Variants in NOL4 observed in about 807,000 individuals in gnomAD.
The protein encoded by NOL4 is nucleolar protein 4.
NOL4 carries 17 observed loss-of-function variants against 75.9 expected under a neutral mutation model. That is an observed-to-expected ratio of 0.22 (90% CI 0.15 to 0.34). The LOEUF is 0.34. Among genes scored for constraint, NOL4 ranks in the 10% least tolerant of loss-of-function variants. The pLI, the probability that NOL4 is intolerant of heterozygous loss-of-function variation, is 1.00. For missense variants in NOL4, 614 were observed against 793.5 expected (o/e 0.77, Z 2.72); for synonymous variants, 292 against 289.9 (o/e 1.01, Z -0.07).
At chr18:34,101,726 T>G (rs143992539) in intron 4 of NOL4, among the ~76,000 whole-genome samples, 2 of 152,174 alleles carry the variant, frequency 1.3e-5, no homozygotes, top group African/African-American at 4.8e-5. Context: ...CCACACTGAT[T>G]TCTGTAATAA....
intron 6 of NOL4, among the ~76,000 whole-genome samples, chr18:33,974,054 C>A (rs531950543): frequency 6.6e-6 from 1 of 152,286 alleles, no homozygotes; most frequent in East Asian, 1.9e-4. Flanking sequence ...AAAAGGCTAT[C>A]TTGTCTACAT....
intron 1 of NOL4, among the ~76,000 whole-genome samples, chr18:34,218,496 A>G (rs534669902): frequency 6.6e-6 from 1 of 152,342 alleles, no homozygotes; most frequent in East Asian, 1.9e-4. Context: ...CTGCCCCTTA[A>G]TACTCAAGCC....
intron 1 of NOL4, among the ~76,000 whole-genome samples, chr18:34,172,002 G>A (rs1184656096): frequency 4.6e-5 from 7 of 152,122 alleles, no homozygotes; most frequent in Non-Finnish European, 8.8e-5. Flanking sequence ...ACAAAAGAAT[G>A]AGAGCTTTTG....
chr18:34,145,393 T>C lies in NOL4; in HGVS notation c.265-15373A>G, dbSNP rs187915707. Among the ~76,000 whole-genome samples the C allele has an allele frequency of 2.0e-5, 3 of 151,638 alleles. No individual in the cohort carries two copies. In the East Asian group the frequency reaches 5.8e-4, roughly 29 times the overall value. ...GCAATTTTAGTAAAACATTTACAAA[T>C]AAAAGCAGTATGATTTAAACTTCCT... On this transcript the variant is annotated intron_variant, in intron 1 of 10. Coordinates refer to ENST00000261592, the MANE Select transcript of NOL4 (RefSeq NM_003787.5).
At chr18:34,217,595 T>C (rs576346505) in intron 1 of NOL4, among the ~76,000 whole-genome samples, 8 of 152,250 alleles carry the variant, frequency 5.3e-5, no homozygotes, top group Non-Finnish European at 7.4e-5. Context: ...CCTTGTATTT[T>C]AGCTCCGTGT....
chr18:34,144,420 A>G (rs12964645), intron 1 of NOL4, among the ~76,000 whole-genome samples: 36,459 of 151,942 alleles, frequency 0.24, 5,148 homozygotes, highest in East Asian at 0.44. Flanking sequence ...GCTTCAAAGA[A>G]CAAGAACTCA....
chr18:34,043,865 C>A (rs1003843988), intron 5 of NOL4, among the ~76,000 whole-genome samples: 2 of 152,038 alleles, frequency 1.3e-5, no homozygotes, highest in Non-Finnish European at 2.9e-5. Context: ...AAGGCCCAAC[C>A]TTTTGACTTT....
chr18:34,216,387 C>T (rs1250146476), intron 1 of NOL4, among the ~76,000 whole-genome samples: 1 of 151,974 alleles, frequency 6.6e-6, no homozygotes, highest in Non-Finnish European at 1.5e-5. Context: ...AAGACAAATA[C>T]TCTCAATTGT....
chr18:34,199,052 G>A (rs965474738), intron 1 of NOL4, among the ~76,000 whole-genome samples: 4 of 151,544 alleles, frequency 2.6e-5, no homozygotes, highest in Non-Finnish European at 4.4e-5. Context: ...ATTGCATATT[G>A]GAACAACAAA....
intron 5 of NOL4, among the ~76,000 whole-genome samples, chr18:34,059,503 A>G (rs1480533492): frequency 6.6e-6 from 1 of 151,994 alleles, no homozygotes. Context: ...ACCTGAATGC[A>G]CCCAGATTGA....
intron 6 of NOL4, among the ~76,000 whole-genome samples, chr18:33,976,227 G>A (rs1315332461): frequency 6.6e-6 from 1 of 152,106 alleles, no homozygotes; most frequent in Non-Finnish European, 1.5e-5. Flanking sequence ...CAGCACACAA[G>A]CCTGGTGTGC....
At chr18:34,177,382 G>C (rs2033645631) in intron 1 of NOL4, among the ~76,000 whole-genome samples, 5 of 151,830 alleles carry the variant, frequency 3.3e-5, no homozygotes, top group Admixed American at 3.3e-4. Flanking sequence ...GCATTCATAT[G>C]TCAAAATGTA....
Position 33,852,979 on chromosome 18 carries a change from T to C in NOL4, c.1780A>G (p.Ser594Gly). 6.2e-7 allele frequency: 1 copy of C among 1,613,168 alleles called. No homozygotes were observed. The highest frequency in any genetic ancestry group is 8.5e-7 in the Non-Finnish European group (1 of 1,179,436). The change falls in exon 11 of 11, where the codon AGC (serine) becomes GGC (glycine). Residue 594 changes from serine to glycine, a missense_variant. This residue lies in a region of NOL4 where 128 missense variants were observed against 159.9 expected (regional missense o/e 0.80). Coordinates refer to ENST00000261592, the MANE Select transcript of NOL4 (RefSeq NM_003787.5). Reference protein sequence around the residue: ...QLATSSGSSSSSNSRPQLSPT... With the variant: ...QLATSSGSSSGSNSRPQLSPT... The stretch of plus-strand genomic sequence containing the variant: ...CTCAGCTGGGGTCTGGAGTTTGAGC[T>C]GCTGGAGGATCCTGAGCTAGTCGCC...
intron 1 of NOL4, among the ~76,000 whole-genome samples, chr18:34,206,619 C>T (rs2036138722): frequency 6.6e-6 from 1 of 152,078 alleles, no homozygotes; most frequent in Non-Finnish European, 1.5e-5. Context: ...TACTGTTTGC[C>T]TACAAATAAC....
At chr18:34,123,195 A>T (rs1461085124) in intron 2 of NOL4, among the ~76,000 whole-genome samples, 1 of 151,018 alleles carries the variant, frequency 6.6e-6, no homozygotes, top group Admixed American at 6.6e-5. Context: ...TACTCTGGCC[A>T]CTGCGGTGAG....
intron 6 of NOL4, among the ~76,000 whole-genome samples, chr18:33,988,944 T>C (rs1485139791): frequency 6.6e-6 from 1 of 151,932 alleles, no homozygotes; most frequent in East Asian, 1.9e-4. Flanking sequence ...ATGCCTATAA[T>C]CACAGCATTT....
chr18:34,222,842 G>C (rs1298574391), intron 1 of NOL4, 148 bp downstream of exon 1: 2 of 1,019,564 alleles, frequency 2.0e-6, no homozygotes, highest in Non-Finnish European at 2.8e-6. Flanking sequence ...AATGCGAGTG[G>C]GGACGACTTG....
At chr18:34,165,310 T>C (rs908668903) in intron 1 of NOL4, among the ~76,000 whole-genome samples, 14 of 152,178 alleles carry the variant, frequency 9.2e-5, no homozygotes, top group African/African-American at 3.4e-4. Flanking sequence ...ACATCCTTAG[T>C]ATCTCACAGC....
At chr18:34,197,260 T>A (rs574984142) in intron 1 of NOL4, among the ~76,000 whole-genome samples, 5 of 152,118 alleles carry the variant, frequency 3.3e-5, no homozygotes, top group African/African-American at 1.2e-4. Flanking sequence ...AGCATCCTTT[T>A]AAACCAATAA....
Sources: allele counts gnomAD v4.1 joint callset (sites outside exome capture counted in the v4.1 genomes callset), GRCh38; gene constraint gnomAD v4.1.1; regional missense constraint gnomAD v4.1.1; transcripts MANE v1.5; gene names NCBI Gene and HGNC (gene_info 2026-07-23, HGNC 2026-07-21).